The following CEP162 variants were observed in gnomAD, a reference collection of about 807,000 sequenced individuals.
The protein encoded by CEP162 is centrosomal protein 162, also known as centrosomal protein of 162 kDa.
CEP162 carries 141 observed loss-of-function variants against 169.2 expected under a neutral mutation model. The observed-to-expected ratio is 0.83, with a 90% CI of 0.73 to 0.96. The LOEUF (loss-of-function observed/expected upper bound fraction) is 0.96, where lower values mean the gene tolerates loss of function less well. Among genes scored for constraint, CEP162 ranks in the 40% least tolerant of loss-of-function variants. The probability of loss-of-function intolerance (pLI) is 0.00; values close to 1 mark genes in which losing one functional copy is unlikely to be tolerated. For missense variants in CEP162, 1,600 were observed against 1,587.2 expected, an observed-to-expected ratio of 1.01 and a Z score of -0.14; for synonymous variants, 540 against 526.4, an observed-to-expected ratio of 1.03 and a Z score of -0.35.
chr6:84,159,523 T>TTTTATATATATATATATATATATATATA (rs1244967462), intron 21 of CEP162, among the ~76,000 whole-genome samples: 1 of 37,142 alleles, frequency 2.7e-5, no homozygotes, highest in African/African-American at 1.1e-4. Flanking sequence ...AATTAATTAT[T>TTTTATATATATATATATATATATATATA]TATATATATA....
chr6:84,131,841 A>G (rs564009947), intron 25 of CEP162, among the ~76,000 whole-genome samples: 2 of 152,084 alleles, frequency 1.3e-5, no homozygotes, highest in African/African-American at 4.8e-5. Context: ...GCCTATTTAC[A>G]TTTAAGGTTA....
intron 19 of CEP162, 32 bp downstream of exon 19, chr6:84,163,112 T>C (rs1332335556): frequency 1.9e-6 from 3 of 1,605,320 alleles, no homozygotes; most frequent in Non-Finnish European, 2.6e-6. Flanking sequence ...GTTATGATTA[T>C]AAAGGTACAC....
chr6:84,200,566 T>A (rs1403079666), intron 9 of CEP162, among the ~76,000 whole-genome samples: 2 of 152,228 alleles, frequency 1.3e-5, no homozygotes, highest in African/African-American at 4.8e-5. Flanking sequence ...TATTCATTTA[T>A]TAACAAATAT....
At chr6:84,193,362 T>C (rs942739609) in intron 11 of CEP162, among the ~76,000 whole-genome samples, 2 of 152,170 alleles carry the variant, frequency 1.3e-5, no homozygotes, top group African/African-American at 4.8e-5. Flanking sequence ...CTGAGGAGAC[T>C]GTATTTTTCA....
rs758304615 is a variant in CEP162 at position 84,125,141 on chromosome 6, G to A, written c.4141C>T (p.Arg1381Ter). 30 of 1,613,434 alleles carry A rather than the reference G, an allele frequency of 1.9e-5. No homozygotes were observed. Among genetic ancestry groups the A allele is most frequent in the East Asian group, 4.5e-5 (2 of 44,856 alleles). ...ACCACTCCTTGCCGGTGCAGCTCTC[G>A]GAGAACATCTAATATTGAGTCTAGT... The part of the protein sequence containing the change: ...TELDSILDVL[R>*]ELHRQGVVVP... The change falls in exon 27 of 27, where the codon CGA (arginine) becomes TGA (stop). Residue 1381 changes from arginine to a stop codon, truncating the protein, a stop_gained. Transcript: ENST00000403245. LOFTEE classifies it high-confidence loss of function.
At chr6:84,184,223 A>G (rs1319543178) in intron 13 of CEP162, among the ~76,000 whole-genome samples, 1 of 152,098 alleles carries the variant, frequency 6.6e-6, no homozygotes, top group African/African-American at 2.4e-5. Context: ...CTTTCTATCA[A>G]ATCTTTCTTA....
At chr6:84,187,368 A>G (rs1038910598) in intron 11 of CEP162, among the ~76,000 whole-genome samples, 5 of 152,218 alleles carry the variant, frequency 3.3e-5, no homozygotes, top group Admixed American at 6.5e-5. Context: ...AATTTATAAA[A>G]TAAGATTAAA....
chr6:84,200,656 G>C (rs1360695967), intron 9 of CEP162, 133 bp downstream of exon 9: 1 of 433,790 alleles, frequency 2.3e-6, no homozygotes, highest in Non-Finnish European at 4.2e-6. Flanking sequence ...TTATTATTAT[G>C]GTAGAAAAAT....
intron 13 of CEP162, among the ~76,000 whole-genome samples, chr6:84,184,818 T>C (rs2099536394): frequency 6.6e-6 from 1 of 151,868 alleles, no homozygotes; most frequent in Non-Finnish European, 1.5e-5. Context: ...ACTGCCTCCT[T>C]GTCACTTCTG....
At chr6:84,222,563 C>A (rs1672258833) in intron 2 of CEP162, among the ~76,000 whole-genome samples, 1 of 152,210 alleles carries the variant, frequency 6.6e-6, no homozygotes, top group African/African-American at 2.4e-5. Flanking sequence ...AACTACCCTG[C>A]AGAAATTTAC....
At chr6:84,194,153 G>A (rs1208140856) in intron 10 of CEP162, among the ~76,000 whole-genome samples, 5 of 152,114 alleles carry the variant, frequency 3.3e-5, no homozygotes, top group South Asian at 2.1e-4. Flanking sequence ...TCAGGAGTTC[G>A]AGAGCAGCCT....
At chr6:84,156,473 A>G (rs1054951977) in intron 21 of CEP162, among the ~76,000 whole-genome samples, 2 of 152,082 alleles carry the variant, frequency 1.3e-5, no homozygotes, top group South Asian at 2.1e-4. Flanking sequence ...AAAATGCTCA[A>G]CCTCACTAAT....
Position 84,215,778 on chromosome 6 carries a change from T to C in CEP162, c.317A>G (p.Asn106Ser), listed in dbSNP as rs1359025163. The C allele has an allele frequency of 6.3e-7, 1 of 1,584,780 alleles. No homozygotes were observed. Among genetic ancestry groups the C allele is most frequent in the Admixed American group, 1.8e-5 (1 of 55,646 alleles). The change falls in exon 4 of 27, where the codon AAT (asparagine) becomes AGT (serine). Residue 106 changes from asparagine to serine, a missense_variant and splice_region_variant. Transcript: ENST00000403245. Reference sequence around the variant, plus strand: ...CTCATATCCCTTGCATTTCTTACCATTTGTTTCTAAGCTATCAGTACTTAA... The same window carrying C: ...CTCATATCCCTTGCATTTCTTACCACTTGTTTCTAAGCTATCAGTACTTAA... Reference protein sequence around the residue: ...SLLSTDSLETNELVVSELNHS... With the variant: ...SLLSTDSLETSELVVSELNHS...
intron 13 of CEP162, among the ~76,000 whole-genome samples, chr6:84,184,510 C>T (rs2099536268): frequency 6.6e-6 from 1 of 152,088 alleles, no homozygotes; most frequent in Admixed American, 6.6e-5. Flanking sequence ...GTTCTCAGTC[C>T]TCATCTATCT....
chr6:84,164,121 A>T (rs1352701925), intron 18 of CEP162, among the ~76,000 whole-genome samples: 1 of 152,198 alleles, frequency 6.6e-6, no homozygotes, highest in African/African-American at 2.4e-5. Context: ...CACTGGTCAT[A>T]GAGAAATGCA....
rs189628592 is a variant in CEP162, at chr6:84,151,539, T to C, written c.3629+1006A>G. Among the ~76,000 whole-genome samples, 145 of 152,176 alleles carry C rather than the reference T, an allele frequency of 9.5e-4. 2 individuals carry two copies. In the South Asian group the frequency reaches 0.016, roughly 17 times the overall value. On this transcript the variant is annotated intron_variant, in intron 23 of 26. Coordinates refer to ENST00000403245, the MANE Select transcript of CEP162 (RefSeq NM_014895.4). ...ATAGTTCTAGGTTTCACATCTGAACTCAGCAAAGAGAACAAGACTTTAAAA... is the reference window on the plus strand; with the variant it reads ...ATAGTTCTAGGTTTCACATCTGAACCCAGCAAAGAGAACAAGACTTTAAAA...
intron 23 of CEP162, among the ~76,000 whole-genome samples, chr6:84,150,575 T>A (rs751074016): frequency 6.6e-6 from 1 of 152,100 alleles, no homozygotes. Context: ...TAGTAAAAAG[T>A]CTAAATATTG....
At chr6:84,218,893 G>T (rs188838131) in intron 3 of CEP162, among the ~76,000 whole-genome samples, 2 of 152,192 alleles carry the variant, frequency 1.3e-5, no homozygotes, top group Non-Finnish European at 2.9e-5. Context: ...TCTAAAGCAC[G>T]ACTTGAGGTT....
chr6:84,224,399 G>A (rs977095202), intron 2 of CEP162, among the ~76,000 whole-genome samples: 1 of 152,134 alleles, frequency 6.6e-6, no homozygotes, highest in African/African-American at 2.4e-5. Context: ...GGAACAAGGA[G>A]ATGGAGTAAC....
Sources: gnomAD v4.1 joint callset for allele counts (sites outside exome capture counted in the v4.1 genomes callset) on GRCh38, gnomAD v4.1.1 for gene constraint, MANE v1.5 for transcripts, NCBI Gene and HGNC (gene_info 2026-07-23, HGNC 2026-07-21) for gene names.